The following SMARCA2 variants were observed in gnomAD, a reference collection of about 807,000 sequenced individuals.
The protein encoded by SMARCA2 is SWI/SNF-related matrix-associated actin-dependent regulator of chromatin subfamily A member 2.
Under a neutral mutation model 199.8 loss-of-function variants are expected in SMARCA2, and 61 were observed. The observed-to-expected ratio is 0.31, with a 90% CI of 0.25 to 0.38. The LOEUF (loss-of-function observed/expected upper bound fraction) is 0.38. Ranked by LOEUF, SMARCA2 falls within the 10% of genes least tolerant of loss-of-function variation. The pLI is 1.00. For missense variants in SMARCA2, 1,344 were observed against 2,012.2 expected, an observed-to-expected ratio of 0.67 and a Z score of 6.35; for synonymous variants, 935 against 732.0, an observed-to-expected ratio of 1.28 and a Z score of -4.48.
intron 29 of SMARCA2, among the ~76,000 whole-genome samples, chr9:2,179,766 A>T (rs570155727): frequency 6.6e-6 from 1 of 152,224 alleles, no homozygotes; most frequent in African/African-American, 2.4e-5. Context: ...TTGGCAATGT[A>T]GAAGATGACA....
intron 19 of SMARCA2, among the ~76,000 whole-genome samples, chr9:2,095,968 T>A (rs1232104399): frequency 1.3e-5 from 2 of 152,230 alleles, no homozygotes; most frequent in Non-Finnish European, 2.9e-5. Context: ...TGATAAACCA[T>A]GAGCATGTGA....
intron 19 of SMARCA2, among the ~76,000 whole-genome samples, chr9:2,096,381 T>C (rs963102005): frequency 6.6e-6 from 1 of 152,206 alleles, no homozygotes; most frequent in Non-Finnish European, 1.5e-5. Context: ...CCATTCTCTC[T>C]CTCAAATTTG....
At position 2,039,421 on chromosome 9, in the gene SMARCA2, G is replaced by T; in HGVS notation, c.356-45G>T. ...GTATTCAGGGATATCTCTCTTTCAG[G>T]GTTGTCAGGGGCAGCCTGTGATTTC... On this transcript the variant is annotated intron_variant, in intron 3 of 33. Transcript: ENST00000349721. This position sits in a 1 kb window ranked among gnomAD's most constrained non-coding sequence, Gnocchi z 4.8. 1 of 1,578,392 alleles carries T rather than the reference G, an allele frequency of 6.3e-7. No individual in the cohort carries two copies. Among genetic ancestry groups the T allele is most frequent in the Non-Finnish European group, 8.6e-7 (1 of 1,160,204 alleles).
intron 27 of SMARCA2, chr9:2,160,154 G>A: frequency 2.0e-6 from 1 of 511,838 alleles, no homozygotes; most frequent in Non-Finnish European, 3.4e-6. Context: ...AGTGTGTTTA[G>A]CTGTATAGTG....
Position 2,039,999 on chromosome 9 carries a change from G to A in SMARCA2, c.790+99G>A, listed in dbSNP as rs879096527. On this transcript the variant is annotated intron_variant, in intron 4 of 33. Transcript: ENST00000349721. The surrounding 1 kb of genome is among the most constrained non-coding windows in gnomAD (Gnocchi z 4.8). The stretch of plus-strand genomic sequence containing the variant: ...GGGTTGTTAAAAGCCCGGGGCTGAC[G>A]TAGCCTTTTGTTATACCTCACTGGC... The A allele has an allele frequency of 2.7e-5, 42 of 1,545,768 alleles. No individual in the cohort carries two copies. Among genetic ancestry groups the A allele is most frequent in the South Asian group, 2.5e-4 (20 of 81,316 alleles).
chr9:2,054,948 C>T (rs2130334728), intron 6 of SMARCA2, among the ~76,000 whole-genome samples: 1 of 152,186 alleles, frequency 6.6e-6, no homozygotes, highest in South Asian at 2.1e-4. Flanking sequence ...AAGAGTTTTT[C>T]CTCCTGTACT....
intron 29 of SMARCA2, among the ~76,000 whole-genome samples, chr9:2,178,768 A>C (rs1211851610): frequency 1.3e-5 from 2 of 152,162 alleles, no homozygotes; most frequent in Non-Finnish European, 2.9e-5. Flanking sequence ...AAATTACTCC[A>C]GCAAGTGTTC....
intron 24 of SMARCA2, among the ~76,000 whole-genome samples, chr9:2,114,926 G>C (rs1244101940): frequency 6.6e-6 from 1 of 151,786 alleles, no homozygotes; most frequent in Non-Finnish European, 1.5e-5. Context: ...TTTTTAACTT[G>C]TTTTCACTTA....
At chr9:2,163,142 T>C (rs1825768867) in intron 28 of SMARCA2, among the ~76,000 whole-genome samples, 1 of 152,258 alleles carries the variant, frequency 6.6e-6, no homozygotes, top group Non-Finnish European at 1.5e-5. Context: ...GGGGTTTTGC[T>C]GTTAAGCCTT....
At chr9:2,186,001 T>C in intron 31 of SMARCA2, 95 bp from the exon 32 acceptor site, 3 of 1,219,274 alleles carry the variant, frequency 2.5e-6, no homozygotes, top group Non-Finnish European at 2.3e-6. Flanking sequence ...TCTACTAAAA[T>C]TCATGTGAAT....
chr9:2,150,300 A>G (rs1824995495), intron 27 of SMARCA2, among the ~76,000 whole-genome samples: 2 of 151,556 alleles, frequency 1.3e-5, no homozygotes, highest in Admixed American at 1.3e-4. Flanking sequence ...CTGCAGCTCA[A>G]ATTCTTAATA....
At chr9:2,163,991 T>A in intron 28 of SMARCA2, among the ~76,000 whole-genome samples, 1 of 151,138 alleles carries the variant, frequency 6.6e-6, no homozygotes, top group East Asian at 2.0e-4. Flanking sequence ...AACCAGAAAC[T>A]CTGGCAGCAC....
Position 2,173,165 on chromosome 9 carries a change from GGTGT to G in SMARCA2, c.4253+2699_4253+2702del, listed in dbSNP as rs749671581. On this transcript the variant is annotated intron_variant, in intron 29 of 33. Transcript: ENST00000349721. ...CAGAAATGAAGGTGGCAGGAAAATT[GGTGT>G]GTGTGAAGGCACTTGTATGTATGTG... Among the ~76,000 whole-genome samples, 7 of 152,114 alleles carry G rather than the reference GGTGT, an allele frequency of 4.6e-5. No homozygotes were observed. The South Asian group carries it at 1.5e-3, about 32-fold the overall frequency.
At chr9:2,099,212 T>C (rs1481513765) in intron 21 of SMARCA2, among the ~76,000 whole-genome samples, 2 of 152,122 alleles carry the variant, frequency 1.3e-5, no homozygotes, top group Non-Finnish European at 2.9e-5. Flanking sequence ...TACCAATGAA[T>C]TGGTGGTGGG....
At chr9:2,163,620 G>T (rs567021884) in intron 28 of SMARCA2, among the ~76,000 whole-genome samples, 3 of 152,320 alleles carry the variant, frequency 2.0e-5, no homozygotes, top group African/African-American at 7.2e-5. Context: ...GCATCACTCT[G>T]TATATACATC....
chr9:2,133,719 A>T (rs1413943896), intron 27 of SMARCA2, among the ~76,000 whole-genome samples: 1 of 152,078 alleles, frequency 6.6e-6, no homozygotes, highest in Non-Finnish European at 1.5e-5. Context: ...ATTATTCATT[A>T]AGAGGTGGAG....
intron 5 of SMARCA2, among the ~76,000 whole-genome samples, chr9:2,052,496 A>G (rs1298996229): frequency 6.6e-6 from 1 of 152,248 alleles, no homozygotes; most frequent in Non-Finnish European, 1.5e-5. Flanking sequence ...AGAAAAAACA[A>G]TAACGACAGC....
intron 32 of SMARCA2, among the ~76,000 whole-genome samples, chr9:2,189,072 ATCCACTAT>A (rs1244158550): frequency 2.0e-5 from 3 of 152,188 alleles, no homozygotes; most frequent in Admixed American, 6.5e-5. Context: ...CACCTGGATA[ATCCACTAT>A]AATTTCCCCA....
intron 20 of SMARCA2, chr9:2,097,035 G>T (rs761892514): frequency 2.0e-6 from 1 of 503,214 alleles, no homozygotes; most frequent in Non-Finnish European, 3.6e-6. Flanking sequence ...TAAGTGTGGG[G>T]TGGCATTTTA....
Sources: allele counts gnomAD v4.1 joint callset (sites outside exome capture counted in the v4.1 genomes callset), GRCh38; gene constraint gnomAD v4.1.1; non-coding constraint Gnocchi (gnomAD v3.1); transcripts MANE v1.5; gene names NCBI Gene and HGNC (gene_info 2026-07-23, HGNC 2026-07-21).